ATP6AP2: variants seen among roughly 807,000 people sequenced by gnomAD.
The protein encoded by ATP6AP2 is ATPase H+ transporting accessory protein 2, also known as renin receptor.
A neutral mutation model predicts 23.4 loss-of-function variants in ATP6AP2; 1 was observed. The ratio of observed to expected loss-of-function variants is 0.04; its 90% confidence interval spans 0.02 to 0.20. The LOEUF (loss-of-function observed/expected upper bound fraction) is 0.20, where lower values mean the gene tolerates loss of function less well. Ranked by LOEUF, ATP6AP2 falls within the 10% of genes least tolerant of loss-of-function variation. The pLI, the probability that ATP6AP2 is intolerant of heterozygous loss-of-function variation, is 1.00. For missense variants in ATP6AP2, 174 were observed against 271.3 expected (o/e 0.64, Z 2.52); for synonymous variants, 90 against 97.1 (o/e 0.93, Z 0.43).
intron 6 of ATP6AP2, chrX:40,599,019 G>T (rs1176239763): frequency 2.8e-6 from 1 of 351,414 alleles, no homozygotes; most frequent in Non-Finnish European, 5.0e-6. Context: ...TTGATTTCTT[G>T]TGAGACTTAA....
At chrX:40,600,041 A>G (rs1926866429) in intron 7 of ATP6AP2, 1 of 272,341 alleles carries the variant, frequency 3.7e-6, no homozygotes, top group Non-Finnish European at 6.7e-6. Context: ...TGTACAGTTC[A>G]GTGGTATTAA....
intron 3 of ATP6AP2, among the ~76,000 whole-genome samples, chrX:40,593,462 G>A: frequency 9.1e-6 from 1 of 110,396 alleles, no homozygotes; most frequent in Non-Finnish European, 1.9e-5. Flanking sequence ...CGCTTTAAAG[G>A]CTGTATAGTA....
At chrX:40,598,466 G>A in intron 5 of ATP6AP2, 1 of 426,686 alleles carries the variant, frequency 2.3e-6, no homozygotes, top group South Asian at 3.7e-5. Context: ...TTGAGTGGCA[G>A]TCACTGTGCT....
chrX:40,584,644 C>T (rs953117123), intron 1 of ATP6AP2, among the ~76,000 whole-genome samples: 1 of 111,379 alleles, frequency 9.0e-6, no homozygotes, highest in African/African-American at 3.3e-5. Context: ...CCATGCCTGG[C>T]TAATTTTGTA....
chrX:40,585,628 C>T (rs182759646), intron 1 of ATP6AP2, among the ~76,000 whole-genome samples: 105 of 110,944 alleles, frequency 9.5e-4, no homozygotes, highest in African/African-American at 2.9e-3. Context: ...CCGAGGCAGG[C>T]GGATTGTTTG....
At chrX:40,599,436 T>C (rs769217268) in intron 6 of ATP6AP2, 156 bp from the exon 7 acceptor site, 1 of 625,748 alleles carries the variant, frequency 1.6e-6, no homozygotes, top group African/African-American at 2.2e-5. Context: ...CAAACCAGTT[T>C]CTTTTGCCAC....
chrX:40,594,085 C>CAA (rs200265474), intron 3 of ATP6AP2, among the ~76,000 whole-genome samples: 1 of 110,113 alleles, frequency 9.1e-6, no homozygotes, highest in African/African-American at 3.3e-5. Context: ...ACTTTTACCA[C>CAA]AAAAAAAATA....
In ATP6AP2 at chrX:40,605,713, C is replaced by A. The variant is rs187617404; in HGVS notation, c.1011C>A (p.Ser337Arg). The change falls in exon 9 of 9, where the codon AGC (serine) becomes AGA (arginine). Residue 337 changes from serine to arginine, a missense_variant. By Grantham distance (110) the Ser-to-Arg change is moderately radical. Coordinates refer to ENST00000636580, the MANE Select transcript of ATP6AP2 (RefSeq NM_005765.3). ...GGAACATGGATCCTGGATATGATAG[C>A]ATCATTTATAGGATGACAAACCAGA... ...NIWNMDPGYD[S>R]IIYRMTNQKI... 8.3e-7 allele frequency: 1 copy of A among 1,207,628 alleles called. No homozygotes were observed.
intron 8 of ATP6AP2, among the ~76,000 whole-genome samples, chrX:40,604,526 T>G (rs1355541807): frequency 9.0e-6 from 1 of 111,131 alleles, no homozygotes; most frequent in Non-Finnish European, 1.9e-5. Context: ...TCCCACCAGG[T>G]CCCTCTCTCG....
intron 4 of ATP6AP2, 34 bp from the exon 5 acceptor site, chrX:40,597,493 T>G (rs1926801279): frequency 1.7e-6 from 2 of 1,198,578 alleles, no homozygotes; most frequent in Admixed American, 4.4e-5. Context: ...TCTGTAGAAT[T>G]TGAGCAACTT....
Position 40,597,511 on chromosome X carries a change from TC to T in ATP6AP2, c.397-15del. 8.3e-7 allele frequency: 1 copy of T among 1,209,064 alleles called. No individual in the cohort carries two copies. Among genetic ancestry groups the T allele is most frequent in the Non-Finnish European group, 1.1e-6 (1 of 892,902 alleles). ...GTAGAATTTGAGCAACTTAAAATTT[TC>T]TATTCTTCTTACAGAGAGTGTATAT... On this transcript the variant is annotated splice_polypyrimidine_tract_variant and intron_variant, in intron 4 of 8. Coordinates refer to ENST00000636580, the MANE Select transcript of ATP6AP2 (RefSeq NM_005765.3).
At chrX:40,601,800 C>T (rs975924306) in intron 8 of ATP6AP2, among the ~76,000 whole-genome samples, 8 of 111,773 alleles carry the variant, frequency 7.2e-5, no homozygotes, top group African/African-American at 9.8e-5. Flanking sequence ...GACTTGGAGT[C>T]GGAAGGTCGA....
chrX:40,599,399 G>A (rs183384906), intron 6 of ATP6AP2, 193 bp from the exon 7 acceptor site: 7 of 457,191 alleles, frequency 1.5e-5, no homozygotes, highest in East Asian at 3.9e-5. Context: ...CATGAGATTC[G>A]TGTTGGATTT....
chrX:40,589,507 G>C (rs1926567439), intron 2 of ATP6AP2: 1 of 149,177 alleles, frequency 6.7e-6, no homozygotes, highest in African/African-American at 3.2e-5. Context: ...GAAATTCTTT[G>C]TATATTAGAG....
At chrX:40,592,688 T>C (rs188104045) in intron 3 of ATP6AP2, among the ~76,000 whole-genome samples, 111 of 112,163 alleles carry the variant, frequency 9.9e-4, no homozygotes, top group African/African-American at 3.3e-3. Flanking sequence ...AAAAAAGTAA[T>C]TTCTAATTTT....
At chrX:40,602,929 TTTTTTTTTTTTTG>T (rs1413120869) in intron 8 of ATP6AP2, among the ~76,000 whole-genome samples, 77 of 27,618 alleles carry the variant, frequency 2.8e-3, no homozygotes, top group African/African-American at 7.2e-3. Flanking sequence ...TTTTTTTTTT[TTTTTTTTTTTTTG>T]GATTTTTTGG....
At chrX:40,604,925 TTGA>T (rs1394195712) in intron 8 of ATP6AP2, among the ~76,000 whole-genome samples, 5 of 91,989 alleles carry the variant, frequency 5.4e-5, no homozygotes, top group Non-Finnish European at 4.3e-5. Context: ...TTCCATTCTG[TTGA>T]TGATTTTTTT....
intron 6 of ATP6AP2, chrX:40,598,978 G>A: frequency 2.5e-6 from 1 of 397,773 alleles, no homozygotes; most frequent in Non-Finnish European, 4.4e-6. Flanking sequence ...CTGGGCGTAA[G>A]AACACCCTGG....
At position 40,606,816 on chromosome X, in the gene ATP6AP2, C is replaced by T. The variant is rs1206635941; in HGVS notation, c.*1061C>T. On this transcript the variant is annotated 3_prime_UTR_variant, in exon 9 of 9. Coordinates refer to ENST00000636580, the MANE Select transcript of ATP6AP2 (RefSeq NM_005765.3). ...TAATGTAAGGAAGGCATTTTAATTA[C>T]CATTCTTGTTACTGAATTTATATAG... 9.0e-6 allele frequency: 1 copy of T among 111,542 alleles called. No homozygotes were observed. Among genetic ancestry groups the T allele is most frequent in the East Asian group, 2.8e-4 (1 of 3,606 alleles). 9.2% of individuals were successfully genotyped at this position (111,542 alleles called of 1,213,427 possible). A position where few individuals can be genotyped will look rare whatever the true frequency, so the allele number is the denominator to read the frequency against.
Sources: gnomAD v4.1 joint callset for allele counts (sites outside exome capture counted in the v4.1 genomes callset) on GRCh38, gnomAD v4.1.1 for gene constraint, MANE v1.5 for transcripts, NCBI Gene and HGNC (gene_info 2026-07-23, HGNC 2026-07-21) for gene names.